The following DNM1 variants were observed in gnomAD, a reference collection of about 807,000 sequenced individuals.
DNM1 encodes the protein dynamin-1.
In DNM1, 29 loss-of-function variants were observed where a neutral mutation model predicts 104.6. That is an observed-to-expected ratio of 0.28 (90% CI 0.21 to 0.38). The LOEUF is 0.38. Among genes scored for constraint, DNM1 ranks in the 10% least tolerant of loss-of-function variants. The pLI, the probability that DNM1 is intolerant of heterozygous loss-of-function variation, is 1.00. For synonymous variants in DNM1, 445 were observed against 475.8 expected (o/e 0.94, Z 0.84); for missense variants, 640 against 1,189.4 (o/e 0.54, Z 6.79).
Position 128,247,882 on chromosome 9 carries a change from G to C in DNM1, c.1894-42G>C, listed in dbSNP as rs1836923712. The stretch of plus-strand genomic sequence containing the variant: ...TGTGTTTCCTTCGGCTGTGCTCCCT[G>C]GTGGTGGCGGCGGTGGCAATGTTGG... On this transcript the variant is annotated intron_variant, in intron 17 of 21. Transcript: ENST00000372923. This position sits in a 1 kb window ranked among gnomAD's most constrained non-coding sequence, Gnocchi z 5.1. 1 of 1,611,158 alleles carries C rather than the reference G, an allele frequency of 6.2e-7. No homozygotes were observed. The highest frequency in any genetic ancestry group is 8.5e-7 in the Non-Finnish European group (1 of 1,178,142).
chr9:128,251,063 C>T, intron 21 of DNM1, 123 bp downstream of exon 21: 1 of 728,846 alleles, frequency 1.4e-6, no homozygotes, highest in Non-Finnish European at 2.3e-6. Context: ...CCCAGGCAAT[C>T]GGACTCTGGG....
At position 128,218,957 on chromosome 9, in the gene DNM1, C is replaced by T; in HGVS notation, c.386-92C>T. ...AGTCCCACCCACCTGCCACCCTGCT[C>T]CCAAGCAGCTTCTCTAACCCCGCCC... On this transcript the variant is annotated intron_variant, in intron 3 of 21. Coordinates refer to ENST00000372923, the MANE Select transcript of DNM1 (RefSeq NM_004408.4). The surrounding 1 kb of genome is among the most constrained non-coding windows in gnomAD (Gnocchi z 4.8). 6.8e-7 allele frequency: 1 copy of T among 1,467,000 alleles called. No individual in the cohort carries two copies. Among genetic ancestry groups the T allele is most frequent in the Non-Finnish European group, 9.3e-7 (1 of 1,072,652 alleles). 90.9% of individuals were successfully genotyped at this position (1,467,000 alleles called of 1,614,324 possible).
In DNM1 at chr9:128,243,823, C is replaced by A. The variant is rs1836561197; in HGVS notation, c.1671+1478C>A. Among the ~76,000 whole-genome samples, 1 of 152,144 alleles carries A rather than the reference C, an allele frequency of 6.6e-6. No individual in the cohort carries two copies. The highest frequency in any genetic ancestry group is 1.5e-5 in the Non-Finnish European group (1 of 68,030). On this transcript the variant is annotated intron_variant, in intron 15 of 21. Coordinates refer to ENST00000372923, the MANE Select transcript of DNM1 (RefSeq NM_004408.4). The surrounding 1 kb of genome is among the most constrained non-coding windows in gnomAD (Gnocchi z 4.0). ...CTGATCTCATGCCTGAGCCTGCAGG[C>A]CTTTCTGGAGCTTTTGTGTACATCT... is the stretch of plus-strand genomic sequence containing the variant.
chr9:128,249,587 C>G (rs367770970), intron 19 of DNM1, among the ~76,000 whole-genome samples: 8 of 150,590 alleles, frequency 5.3e-5, no homozygotes, highest in African/African-American at 2.0e-4. Flanking sequence ...ACCCGGGAGG[C>G]GGAGGTTGCG....
chr9:128,205,807 C>G (rs1232357227), intron 1 of DNM1, among the ~76,000 whole-genome samples: 5 of 152,200 alleles, frequency 3.3e-5, no homozygotes, highest in African/African-American at 1.2e-4. Flanking sequence ...GGGGCCATCC[C>G]TGACCACAGC....
At chr9:128,221,308 T>C (rs888268759) in intron 6 of DNM1, 3 of 152,220 alleles carry the variant, frequency 2.0e-5, no homozygotes, top group Non-Finnish European at 4.4e-5. Context: ...CAGGCTGGTC[T>C]CGTACTCCTG....
intron 4 of DNM1, 26 bp from the exon 5 acceptor site, chr9:128,219,962 G>A: frequency 6.5e-7 from 1 of 1,530,788 alleles, no homozygotes; most frequent in Non-Finnish European, 8.8e-7. Context: ...TGCAGCTGTA[G>A]ACGGCCCTCC....
Position 128,219,025 on chromosome 9 carries a change from C to T in DNM1, c.386-24C>T, listed in dbSNP as rs772763746. The T allele has an allele frequency of 5.0e-6, 8 of 1,612,192 alleles. 1 individual carries two copies. In the South Asian group the frequency reaches 7.7e-5, roughly 15 times the overall value. On this transcript the variant is annotated intron_variant, in intron 3 of 21. Coordinates refer to ENST00000372923, the MANE Select transcript of DNM1 (RefSeq NM_004408.4). ...CGCGGCCACGCCCCTCGCCTTGAGC[C>T]CGCCCTCTCGCCGCCCTGTCCAGTG...
rs1321791154 is a variant in DNM1, at chr9:128,243,385, T to C, written c.1671+1040T>C. Among the ~76,000 whole-genome samples the C allele has an allele frequency of 1.3e-5, 2 of 150,144 alleles. No homozygotes were observed. Among genetic ancestry groups the C allele is most frequent in the Non-Finnish European group, 3.0e-5 (2 of 67,632 alleles). ...GGGGCTGTTGGAGGCTACAGCATCC[T>C]CAACGGGGGAGCGGGGCTCTGGGTG... On this transcript the variant is annotated intron_variant, in intron 15 of 21. Coordinates refer to ENST00000372923, the MANE Select transcript of DNM1 (RefSeq NM_004408.4). The surrounding 1 kb of genome is among the most constrained non-coding windows in gnomAD (Gnocchi z 4.0).
At chr9:128,231,496 C>T (rs1057500717) in intron 10 of DNM1, among the ~76,000 whole-genome samples, 7 of 152,264 alleles carry the variant, frequency 4.6e-5, no homozygotes, top group East Asian at 3.9e-4. Context: ...CCACCGCAAC[C>T]GGCCACTTTT....
chr9:128,234,613 A>G (rs946212442), intron 11 of DNM1, among the ~76,000 whole-genome samples: 5 of 152,166 alleles, frequency 3.3e-5, no homozygotes, highest in African/African-American at 1.2e-4. Flanking sequence ...ACCTCAAGTG[A>G]TCTGCCCACC....
At position 128,220,195 on chromosome 9, in the gene DNM1, G is replaced by A. The variant is rs2131157918; in HGVS notation, c.703G>A (p.Val235Met). The A allele has an allele frequency of 6.2e-7, 1 of 1,614,208 alleles. No individual in the cohort carries two copies. Among genetic ancestry groups the A allele is most frequent in the Non-Finnish European group, 8.5e-7 (1 of 1,180,036 alleles). ...LPLRRGYIGV[V>M]NRSQKDIDGK... ...ACTGTTCACAGGCTACATTGGAGTG[G>A]TGAACCGGAGCCAGAAGGACATTGA... Residue 235 changes from valine to methionine, a missense_variant, in exon 6 of 22, where the codon GTG (valine) becomes ATG (methionine). This residue lies in a region of DNM1 where 172 missense variants were observed against 335.3 expected (regional missense o/e 0.51). Coordinates refer to ENST00000372923, the MANE Select transcript of DNM1 (RefSeq NM_004408.4). The surrounding 1 kb of genome is among the most constrained non-coding windows in gnomAD (Gnocchi z 5.2).
chr9:128,254,706 G>C lies in DNM1; in HGVS notation c.2587G>C (p.Asp863His). ...SRPESPRPPF[D>H]L ...TCCTGAGAGCCCCAGGCCCCCCTTC[G>C]ACCTCTAAACAGATCCCTCCTCTTC... Residue 863 changes from aspartate to histidine, a missense_variant, in exon 22 of 22, where the codon GAC (aspartate) becomes CAC (histidine). This residue lies in a region of DNM1 where 37 missense variants were observed against 35.6 expected (regional missense o/e 1.04). Coordinates refer to ENST00000372923, the MANE Select transcript of DNM1 (RefSeq NM_004408.4). The surrounding 1 kb of genome is among the most constrained non-coding windows in gnomAD (Gnocchi z 6.1). The C allele has an allele frequency of 6.3e-7, 1 of 1,595,986 alleles. No individual in the cohort carries two copies. The highest frequency in any genetic ancestry group is 8.5e-7 in the Non-Finnish European group (1 of 1,179,622).
At chr9:128,227,888 A>G (rs1255949950) in intron 10 of DNM1, among the ~76,000 whole-genome samples, 1 of 151,094 alleles carries the variant, frequency 6.6e-6, no homozygotes, top group African/African-American at 2.4e-5. Context: ...GTTTTGCTGT[A>G]TCTCCCAGCA....
At position 128,222,670 on chromosome 9, in the gene DNM1, G is replaced by A; in HGVS notation, c.1128+74G>A. The A allele has an allele frequency of 3.1e-6, 5 of 1,605,250 alleles. No individual in the cohort carries two copies. The South Asian group carries it at 5.5e-5, about 18-fold the overall frequency. ...CTCACTCAGGACTCTCTCTGCGTGT[G>A]TTTTTGCTGGCCCCCACCCCACAGG... On this transcript the variant is annotated intron_variant, in intron 8 of 21. Transcript: ENST00000372923. The surrounding 1 kb of genome is among the most constrained non-coding windows in gnomAD (Gnocchi z 7.8).
chr9:128,221,434 T>C (rs1372648066), intron 6 of DNM1, among the ~76,000 whole-genome samples: 9 of 152,062 alleles, frequency 5.9e-5, no homozygotes, highest in Admixed American at 5.9e-4. Context: ...GAGACAATGG[T>C]GATCAGACCT....
chr9:128,232,759 G>C (rs1185393100), intron 10 of DNM1: 1 of 152,460 alleles, frequency 6.6e-6, no homozygotes, highest in Non-Finnish European at 1.5e-5. Flanking sequence ...GAGCCCCTGG[G>C]GGTGGGCTCC....
chr9:128,247,819 G>A lies in DNM1; in HGVS notation c.1894-105G>A, dbSNP rs1168008422. On this transcript the variant is annotated intron_variant, in intron 17 of 21. Transcript: ENST00000372923. The surrounding 1 kb of genome is among the most constrained non-coding windows in gnomAD (Gnocchi z 5.1). ...AGAGTAGCCTGAGAGTTGGGGTGCA[G>A]TATCCCAGGTTCACTCAATCTCTCC... is the stretch of plus-strand genomic sequence containing the variant. 4.8e-6 allele frequency: 7 copies of A among 1,452,750 alleles called. No homozygotes were observed. The highest frequency in any genetic ancestry group is 6.6e-6 in the Non-Finnish European group (7 of 1,059,710). 90.0% of individuals were successfully genotyped at this position (1,452,750 alleles called of 1,614,324 possible).
chr9:128,210,868 G>T (rs1367915634), intron 1 of DNM1, among the ~76,000 whole-genome samples: 1 of 151,734 alleles, frequency 6.6e-6, no homozygotes, highest in Non-Finnish European at 1.5e-5. Flanking sequence ...CTTCCTGGGC[G>T]ACTCTCTGGC....
Sources: allele counts gnomAD v4.1 joint callset (sites outside exome capture counted in the v4.1 genomes callset), GRCh38; gene constraint gnomAD v4.1.1; regional missense constraint gnomAD v4.1.1; non-coding constraint Gnocchi (gnomAD v3.1); transcripts MANE v1.5; gene names NCBI Gene and HGNC (gene_info 2026-07-23, HGNC 2026-07-21).